UBE2L6: variants seen among roughly 807,000 people sequenced by gnomAD.
The protein encoded by UBE2L6 is ubiquitin/ISG15-conjugating enzyme E2 L6.
UBE2L6 carries 11 observed loss-of-function variants against 13.6 expected under a neutral mutation model. The observed-to-expected ratio is 0.81, with a 90% CI of 0.51 to 1.34. UBE2L6 has a LOEUF of 1.34. Ranked by LOEUF, UBE2L6 falls within the 40% of genes most tolerant of loss-of-function variation. The pLI is 0.00. For missense variants in UBE2L6, 197 were observed against 199.5 expected, an observed-to-expected ratio of 0.99 and a Z score of 0.07; for synonymous variants, 74 against 83.2, an observed-to-expected ratio of 0.89 and a Z score of 0.60.
In UBE2L6 at chr11:57,554,543, G is replaced by C. The variant is rs1565158540; in HGVS notation, c.204C>G (p.Ile68Met). The part of the protein sequence containing the change: ...PPEYPFKPPM[I>M]KFTTKIYHPN... Reference sequence around the variant, plus strand: ...GGTGGTAGATCTTGGTTGTGAATTTGATCATGGGAGGCTTGAACGGATACT... The same window carrying C: ...GGTGGTAGATCTTGGTTGTGAATTTCATCATGGGAGGCTTGAACGGATACT... The change falls in exon 3 of 4, where the codon ATC becomes ATG. Residue 68 changes from isoleucine to methionine, a missense_variant. Physicochemically the swap from Ile to Met is conservative, Grantham distance 10. Coordinates refer to ENST00000287156, the MANE Select transcript of UBE2L6 (RefSeq NM_004223.5). 10 of 1,613,794 alleles carry C rather than the reference G, an allele frequency of 6.2e-6. No homozygotes were observed. The highest frequency in any genetic ancestry group is 8.5e-6 in the Non-Finnish European group (10 of 1,179,942).
chr11:57,565,372 T>G (rs1324598969), intron 1 of UBE2L6, among the ~76,000 whole-genome samples: 4 of 132,548 alleles, frequency 3.0e-5, no homozygotes, highest in Admixed American at 7.5e-5. Flanking sequence ...TTTTTTTTTT[T>G]TTTTTTTTTT....
intron 1 of UBE2L6, among the ~76,000 whole-genome samples, chr11:57,561,910 A>T (rs1341448586): frequency 6.6e-6 from 1 of 152,212 alleles, no homozygotes; most frequent in Non-Finnish European, 1.5e-5. Context: ...ATTTCTCTGG[A>T]ACAATGAATT....
chr11:57,567,662 A>G lies in UBE2L6; in HGVS notation c.-51T>C, dbSNP rs762751930. 6.4e-7 allele frequency: 1 copy of G among 1,571,022 alleles called. No homozygotes were observed. Among genetic ancestry groups the G allele is most frequent in the Non-Finnish European group, 8.6e-7 (1 of 1,156,840 alleles). On this transcript the variant is annotated 5_prime_UTR_variant, in exon 1 of 4. Coordinates refer to ENST00000287156, the MANE Select transcript of UBE2L6 (RefSeq NM_004223.5). ...TGGCCTCCAGCAGGACCGAGCTCCG[A>G]CCCGCGACACAGCGCGCCCCGCCCC...
At chr11:57,554,910 T>G (rs905548439) in intron 2 of UBE2L6, among the ~76,000 whole-genome samples, 1 of 119,566 alleles carries the variant, frequency 8.4e-6, no homozygotes, top group African/African-American at 2.9e-5. Flanking sequence ...GAAAAGTGGA[T>G]AAAGATGGAC....
chr11:57,561,586 A>G lies in UBE2L6; in HGVS notation c.28-1154T>C, dbSNP rs114649972. Among the ~76,000 whole-genome samples, 1,073 of 152,284 alleles carry G rather than the reference A, an allele frequency of 7.0e-3. 17 individuals carry two copies. The highest frequency in any genetic ancestry group is 0.025 in the African/African-American group (1,028 of 41,556). ...CCATAAAGCAGAGAAGGGGAGAAGC[A>G]CCAGGGCAGAGGGCCCAGATGGGAA... On this transcript the variant is annotated intron_variant, in intron 1 of 3. Coordinates refer to ENST00000287156, the MANE Select transcript of UBE2L6 (RefSeq NM_004223.5).
chr11:57,562,239 C>A (rs1186280941), intron 1 of UBE2L6, among the ~76,000 whole-genome samples: 1 of 152,160 alleles, frequency 6.6e-6, no homozygotes, highest in Admixed American at 6.5e-5. Context: ...ACTCCTATAT[C>A]TGGGGAAAAG....
intron 1 of UBE2L6, among the ~76,000 whole-genome samples, chr11:57,565,806 A>G (rs1945086734): frequency 6.6e-6 from 1 of 152,230 alleles, no homozygotes; most frequent in South Asian, 2.1e-4. Flanking sequence ...CATAACAGTT[A>G]TGTGACCCAA....
At chr11:57,567,688 G>GC, upstream of UBE2L6, 1 of 1,261,626 alleles carries the variant, frequency 7.9e-7, no homozygotes, top group Non-Finnish European at 1.0e-6. Context: ...GCCCCGCCCC[G>GC]CCCCGGGGAC....
chr11:57,567,339 G>T, intron 1 of UBE2L6: 1 of 600,940 alleles, frequency 1.7e-6, no homozygotes. Context: ...TTTTGGGGGA[G>T]CCGGCTCATC....
At position 57,566,083 on chromosome 11, in the gene UBE2L6, G is replaced by T. The variant is rs183142732; in HGVS notation, c.27+1502C>A. The stretch of plus-strand genomic sequence containing the variant: ...CCCCAAACTAGAAGCATCTGCACTT[G>T]TAAGAGTTTCTCTATCATCTGTGAC... On this transcript the variant is annotated intron_variant, in intron 1 of 3. Coordinates refer to ENST00000287156, the MANE Select transcript of UBE2L6 (RefSeq NM_004223.5). Among the ~76,000 whole-genome samples, 9 of 152,258 alleles carry T rather than the reference G, an allele frequency of 5.9e-5. No homozygotes were observed. In the East Asian group the frequency reaches 1.7e-3, roughly 29 times the overall value.
At chr11:57,564,437 A>G (rs996501489) in intron 1 of UBE2L6, among the ~76,000 whole-genome samples, 1 of 152,252 alleles carries the variant, frequency 6.6e-6, no homozygotes, top group Non-Finnish European at 1.5e-5. Flanking sequence ...CATCGACACC[A>G]GACCTGTCCT....
chr11:57,561,909 G>T (rs959888927), intron 1 of UBE2L6, among the ~76,000 whole-genome samples: 3 of 152,172 alleles, frequency 2.0e-5, no homozygotes, highest in Non-Finnish European at 4.4e-5. Context: ...CATTTCTCTG[G>T]AACAATGAAT....
At position 57,567,660 on chromosome 11, in the gene UBE2L6, C is replaced by G; in HGVS notation, c.-49G>C. 1.3e-6 allele frequency: 2 copies of G among 1,576,614 alleles called. No individual in the cohort carries two copies. Among genetic ancestry groups the G allele is most frequent in the Non-Finnish European group, 1.7e-6 (2 of 1,160,114 alleles). ...CGTGGCCTCCAGCAGGACCGAGCTC[C>G]GACCCGCGACACAGCGCGCCCCGCC... On this transcript the variant is annotated 5_prime_UTR_variant, in exon 1 of 4. Transcript: ENST00000287156.
chr11:57,554,611 A>C lies in UBE2L6; in HGVS notation c.136T>G (p.Tyr46Asp). 1 of 1,614,136 alleles carries C rather than the reference A, an allele frequency of 6.2e-7. No homozygotes were observed. Among genetic ancestry groups the C allele is most frequent in the South Asian group, 1.1e-5 (1 of 91,076 alleles). ...CGCAGGTTGAAGGCTTTCAGGTGGTAGGGAGGTTGGTCCTGTGCAGAGAGA... is the reference window on the plus strand; with the variant it reads ...CGCAGGTTGAAGGCTTTCAGGTGGTCGGGAGGTTGGTCCTGTGCAGAGAGA... ...HALLLPDQPP[Y>D]HLKAFNLRIS... The change falls in exon 3 of 4, where the codon TAC becomes GAC. Residue 46 changes from tyrosine to aspartate, a missense_variant. Transcript: ENST00000287156.
At chr11:57,559,181 G>T (rs1027079068) in intron 2 of UBE2L6, among the ~76,000 whole-genome samples, 1 of 152,226 alleles carries the variant, frequency 6.6e-6, no homozygotes, top group Non-Finnish European at 1.5e-5. Flanking sequence ...CAGGTAAGTG[G>T]ATCGTTTCAA....
rs1944982123 is a variant in UBE2L6, at chr11:57,554,456, A to C, written c.291T>G (p.Pro97=). The part of the protein sequence containing the change: ...LPIISSENWK[P]CTKTCQVLEA... ...CCCCACCTTGGCAAGTCTTGGTGCA[A>C]GGCTTCCAGTTCTCACTGCTGATGA... Residue 97 remains proline (P), a synonymous_variant, in exon 3 of 4, where the codon CCT becomes CCG. Transcript: ENST00000287156. 6.2e-7 allele frequency: 1 copy of C among 1,613,760 alleles called. No homozygotes were observed. Among genetic ancestry groups the C allele is most frequent in the Non-Finnish European group, 8.5e-7 (1 of 1,179,926 alleles).
chr11:57,562,109 C>T (rs912100062), intron 1 of UBE2L6, among the ~76,000 whole-genome samples: 1 of 152,226 alleles, frequency 6.6e-6, no homozygotes, highest in African/African-American at 2.4e-5. Context: ...GGGTGAGTCT[C>T]AGGCCTGGTC....
At chr11:57,567,221 AG>A (rs1486442873) in intron 1 of UBE2L6, 1 of 453,958 alleles carries the variant, frequency 2.2e-6, no homozygotes, top group Admixed American at 2.8e-5. Context: ...ACCCACCACC[AG>A]CAGTAGCAGA....
intron 1 of UBE2L6, 55 bp downstream of exon 1, chr11:57,567,530 G>A: frequency 1.3e-6 from 2 of 1,593,452 alleles, no homozygotes; most frequent in East Asian, 2.3e-5. Flanking sequence ...GAGGGAGGAG[G>A]GAATGCGGGA....
Sources: allele counts gnomAD v4.1 joint callset (sites outside exome capture counted in the v4.1 genomes callset), GRCh38; gene constraint gnomAD v4.1.1; transcripts MANE v1.5; gene names NCBI Gene and HGNC (gene_info 2026-07-23, HGNC 2026-07-21).